The following CHST12 variants were observed in gnomAD, a reference collection of about 807,000 sequenced individuals.
CHST12 encodes the protein carbohydrate (chondroitin 4) sulfotransferase 12.
CHST12 carries 23 observed loss-of-function variants against 27.9 expected under a neutral mutation model. That is an observed-to-expected ratio of 0.82 (90% CI 0.59 to 1.17). CHST12 has a LOEUF of 1.17. Among genes scored for constraint, CHST12 ranks in the 50% most tolerant of loss-of-function variants. CHST12 has a pLI of 0.00. For synonymous variants in CHST12, 322 were observed against 273.0 expected (o/e 1.18, Z -1.77); for missense variants, 682 against 603.0 (o/e 1.13, Z -1.37).
At chr7:2,424,648 C>T (rs369541000) in intron 1 of CHST12, among the ~76,000 whole-genome samples, 49 of 152,322 alleles carry the variant, frequency 3.2e-4, no homozygotes, top group African/African-American at 1.1e-3. Context: ...CCCCTTAACT[C>T]ATTAGCGTAT....
chr7:2,441,507 A>G lies in CHST12; in HGVS notation c.*7623A>G, dbSNP rs1325221904. The stretch of plus-strand genomic sequence containing the variant: ...CAGAAGTTTGAGACCAGTCTGGGCA[A>G]CATAGTGGAAACTTGTCTCTCCAAA... On this transcript the variant is annotated 3_prime_UTR_variant, in exon 2 of 2. Transcript: ENST00000618655. 6.6e-6 allele frequency: 1 copy of G among 151,986 alleles called. No homozygotes were observed. Among genetic ancestry groups the G allele is most frequent in the Non-Finnish European group, 1.5e-5 (1 of 68,080 alleles). The allele number at this position is 151,986 out of a possible 1,614,324, so 9.4% of individuals were successfully genotyped here.
intron 1 of CHST12, among the ~76,000 whole-genome samples, chr7:2,417,917 G>T (rs1250388550): frequency 6.6e-6 from 1 of 152,250 alleles, no homozygotes; most frequent in Non-Finnish European, 1.5e-5. Flanking sequence ...TTGTGTGATC[G>T]ATGTCAGTTC....
At chr7:2,412,693 C>T (rs763546621) in intron 1 of CHST12, among the ~76,000 whole-genome samples, 3 of 152,180 alleles carry the variant, frequency 2.0e-5, no homozygotes, top group Admixed American at 6.6e-5. Context: ...AAGGGGGGCT[C>T]TCCAACAACA....
Position 2,433,850 on chromosome 7 carries a change from G to A in CHST12, c.1211G>A (p.Gly404Asp). The change falls in exon 2 of 2, where the codon GGC (glycine) becomes GAC (aspartate). Residue 404 changes from glycine (G) to aspartate (D), a missense_variant. Coordinates refer to ENST00000618655, the MANE Select transcript of CHST12 (RefSeq NM_018641.5). This position sits in a 1 kb window ranked among gnomAD's most constrained non-coding sequence, Gnocchi z 6.1. The stretch of plus-strand genomic sequence containing the variant: ...TACGAGGCCGACTTTGTTCTCTTCG[G>A]CTACCCCAAGCCCGAAAACCTCCTC... ...KLYEADFVLF[G>D]YPKPENLLRD The A allele has an allele frequency of 6.3e-7, 1 of 1,592,080 alleles. No homozygotes were observed. The highest frequency in any genetic ancestry group is 8.6e-7 in the Non-Finnish European group (1 of 1,164,330).
intron 1 of CHST12, among the ~76,000 whole-genome samples, chr7:2,416,926 C>T (rs564566071): frequency 2.0e-5 from 3 of 152,276 alleles, no homozygotes; most frequent in African/African-American, 7.2e-5. Context: ...TAAATAAGCA[C>T]GTAAATTACT....
chr7:2,419,707 C>CA (rs562438536), intron 1 of CHST12, among the ~76,000 whole-genome samples: 25,525 of 99,674 alleles, frequency 0.26, 2,609 homozygotes, highest in Middle Eastern at 0.36. Context: ...AACTCCGTCT[C>CA]AAAAAAAAAA....
At chr7:2,414,148 T>C (rs1187592625) in intron 1 of CHST12, among the ~76,000 whole-genome samples, 1 of 152,244 alleles carries the variant, frequency 6.6e-6, no homozygotes, top group African/African-American at 2.4e-5. Context: ...TTTTTGCTTA[T>C]TTTTTAATTG....
rs940975627 is a variant in CHST12 at position 2,446,698 on chromosome 7, C to T, written c.*12814C>T. 15 of 153,064 alleles carry T rather than the reference C, an allele frequency of 9.8e-5. 1 individual carries two copies. Among genetic ancestry groups the T allele is most frequent in the Admixed American group, 3.3e-4 (5 of 15,294 alleles). 9.5% of individuals were successfully genotyped at this position (153,064 alleles called of 1,614,324 possible). A position where few individuals can be genotyped will look rare whatever the true frequency, so the allele number is the denominator to read the frequency against. On this transcript the variant is annotated 3_prime_UTR_variant, in exon 2 of 2. Coordinates refer to ENST00000618655, the MANE Select transcript of CHST12 (RefSeq NM_018641.5). ...ATTTCTAACATTTTAACCCAGGAAT[C>T]CCCCCACCAAGGGACAGAGTGCAAG... is the stretch of plus-strand genomic sequence containing the variant.
chr7:2,428,555 G>T (rs1194448233), intron 1 of CHST12, among the ~76,000 whole-genome samples: 4 of 152,192 alleles, frequency 2.6e-5, no homozygotes, highest in Non-Finnish European at 5.9e-5. Context: ...GGATATACCA[G>T]CATTTATTAT....
rs761396958 is a variant in CHST12 at position 2,432,592 on chromosome 7, G to A, written c.-48G>A. ...CCAGCAGGATGCCCCGGCTCTGCAGGAAGCTGAAGTGAGAGGCCCGGAGAG... is the reference window on the plus strand; with the variant it reads ...CCAGCAGGATGCCCCGGCTCTGCAGAAAGCTGAAGTGAGAGGCCCGGAGAG... On this transcript the variant is annotated 5_prime_UTR_variant, in exon 2 of 2. Coordinates refer to ENST00000618655, the MANE Select transcript of CHST12 (RefSeq NM_018641.5). 19 of 1,562,944 alleles carry A rather than the reference G, an allele frequency of 1.2e-5. No homozygotes were observed. In the African/African-American group the frequency reaches 2.3e-4, roughly 19 times the overall value.
intron 1 of CHST12, among the ~76,000 whole-genome samples, chr7:2,420,134 C>T (rs150091615): frequency 0.016 from 2,459 of 151,836 alleles, 27 homozygotes; most frequent in African/African-American, 0.026. Flanking sequence ...TCAGCATGCC[C>T]GGCTAATTTT....
intron 1 of CHST12, among the ~76,000 whole-genome samples, chr7:2,420,309 G>C (rs781477839): frequency 1.3e-5 from 2 of 152,100 alleles, no homozygotes; most frequent in Non-Finnish European, 2.9e-5. Flanking sequence ...ATTTCACTGA[G>C]CATAATGTCT....
intron 1 of CHST12, among the ~76,000 whole-genome samples, chr7:2,404,817 A>AAC (rs1405007637): frequency 2.0e-5 from 3 of 152,260 alleles, no homozygotes; most frequent in Non-Finnish European, 4.4e-5. Context: ...GGCCAGCAGT[A>AAC]ACTGTCTGCT....
At chr7:2,411,656 C>T (rs1047091444) in intron 1 of CHST12, among the ~76,000 whole-genome samples, 2 of 151,916 alleles carry the variant, frequency 1.3e-5, no homozygotes, top group Non-Finnish European at 2.9e-5. Flanking sequence ...CACCCAGCTA[C>T]TTTTTGTATT....
rs910667792 is a variant in CHST12, at chr7:2,439,783, G to T, written c.*5899G>T. ...AGTCCCAGCTACTCGGGAGGCTGAG[G>T]CAGGAGAATGGCGTGAACCCGGGAG... On this transcript the variant is annotated 3_prime_UTR_variant, in exon 2 of 2. Transcript: ENST00000618655. 11 of 151,984 alleles carry T rather than the reference G, an allele frequency of 7.2e-5. No individual in the cohort carries two copies. The highest frequency in any genetic ancestry group is 2.7e-4 in the African/African-American group (11 of 41,436). 9.4% of individuals were successfully genotyped at this position (151,984 alleles called of 1,614,324 possible). A position where few individuals can be genotyped will look rare whatever the true frequency, so the allele number is the denominator to read the frequency against.
At chr7:2,410,426 T>C (rs907684475) in intron 1 of CHST12, among the ~76,000 whole-genome samples, 2 of 152,148 alleles carry the variant, frequency 1.3e-5, no homozygotes, top group Non-Finnish European at 2.9e-5. Context: ...GGCAGGAGGA[T>C]GGCTTGAGCC....
chr7:2,410,476 A>C (rs1206139786), intron 1 of CHST12, among the ~76,000 whole-genome samples: 2 of 152,202 alleles, frequency 1.3e-5, no homozygotes, highest in African/African-American at 2.4e-5. Flanking sequence ...ACTGCACTCC[A>C]GCCTGGGTGA....
rs1374487414 is a variant in CHST12, at chr7:2,440,057, ATGAAGAAAGGACACCTGGTT to A, written c.*6179_*6198del. The A allele has an allele frequency of 6.6e-6, 1 of 152,136 alleles. No individual in the cohort carries two copies. Among genetic ancestry groups the A allele is most frequent in the Admixed American group, 6.6e-5 (1 of 15,254 alleles). 9.4% of individuals were successfully genotyped at this position (152,136 alleles called of 1,614,324 possible). On this transcript the variant is annotated 3_prime_UTR_variant, in exon 2 of 2. Coordinates refer to ENST00000618655, the MANE Select transcript of CHST12 (RefSeq NM_018641.5). ...CAGTGCATCTCTGATGGGGAGGCTAATGAAGAAAGGACACCTGGTTTGAAGGCTTCTCTGTGTCTGTCCGT... is the reference window on the plus strand; with the variant it reads ...CAGTGCATCTCTGATGGGGAGGCTAATGAAGGCTTCTCTGTGTCTGTCCGT...
chr7:2,410,128 A>C (rs1021608892), intron 1 of CHST12, among the ~76,000 whole-genome samples: 4 of 152,146 alleles, frequency 2.6e-5, no homozygotes, highest in African/African-American at 9.7e-5. Flanking sequence ...AAACATACCG[A>C]CCAGTAGAGA....
Sources: allele counts gnomAD v4.1 joint callset (sites outside exome capture counted in the v4.1 genomes callset), GRCh38; gene constraint gnomAD v4.1.1; non-coding constraint Gnocchi (gnomAD v3.1); transcripts MANE v1.5; gene names NCBI Gene and HGNC (gene_info 2026-07-23, HGNC 2026-07-21).